The following CADPS2 variants were observed in gnomAD, a reference collection of about 807,000 sequenced individuals.
CADPS2 encodes calcium dependent secretion activator 2.
Under a neutral mutation model 172.5 loss-of-function variants are expected in CADPS2, and 93 were observed. That is an observed-to-expected ratio of 0.54 (90% CI 0.46 to 0.64). CADPS2 has a LOEUF of 0.64. Ranked by LOEUF, CADPS2 falls within the 30% of genes least tolerant of loss-of-function variation. The probability of loss-of-function intolerance (pLI) is 0.00; values close to 1 mark genes in which losing one functional copy is unlikely to be tolerated. For synonymous variants in CADPS2, 546 were observed against 555.2 expected (o/e 0.98, Z 0.23); for missense variants, 1,420 against 1,565.9 (o/e 0.91, Z 1.57).
chr7:122,650,516 TTAGA>T (rs1361792377), intron 3 of CADPS2, among the ~76,000 whole-genome samples: 1 of 152,086 alleles, frequency 6.6e-6, no homozygotes, highest in African/African-American at 2.4e-5. Flanking sequence ...TGGAGCAGAA[TTAGA>T]TAAAGTAGAA....
intron 2 of CADPS2, among the ~76,000 whole-genome samples, chr7:122,734,654 TA>T (rs2092013966): frequency 6.6e-6 from 1 of 152,094 alleles, no homozygotes; most frequent in Admixed American, 6.6e-5. Context: ...AATATACTTC[TA>T]AAAAAATGAA....
intron 1 of CADPS2, among the ~76,000 whole-genome samples, chr7:122,865,294 A>G (rs920091456): frequency 3.3e-5 from 5 of 152,158 alleles, no homozygotes; most frequent in African/African-American, 1.2e-4. Context: ...GGTCTGCAGA[A>G]TCTCTTACCT....
intron 1 of CADPS2, among the ~76,000 whole-genome samples, chr7:122,852,502 G>A (rs527411892): frequency 6.6e-6 from 1 of 152,244 alleles, no homozygotes; most frequent in East Asian, 1.9e-4. Context: ...GGTGGGGCAG[G>A]GTGTGGTAGC....
intron 22 of CADPS2, among the ~76,000 whole-genome samples, chr7:122,392,607 T>C (rs1265333932): frequency 6.6e-6 from 1 of 152,128 alleles, no homozygotes; most frequent in East Asian, 1.9e-4. Flanking sequence ...AGTTAATAAA[T>C]ATGGTTTTTG....
chr7:122,558,720 A>G (rs1449993879), intron 7 of CADPS2, among the ~76,000 whole-genome samples: 1 of 152,182 alleles, frequency 6.6e-6, no homozygotes, highest in Non-Finnish European at 1.5e-5. Context: ...GTTTAGAGTG[A>G]TATGGGGTTC....
chr7:122,638,459 C>T (rs1388396276), intron 3 of CADPS2, among the ~76,000 whole-genome samples: 2 of 152,162 alleles, frequency 1.3e-5, no homozygotes, highest in Non-Finnish European at 2.9e-5. Context: ...CTCTCCTAAA[C>T]CACAGGGGTT....
intron 1 of CADPS2, among the ~76,000 whole-genome samples, chr7:122,883,285 C>T (rs1047685180): frequency 1.3e-5 from 2 of 152,196 alleles, no homozygotes; most frequent in East Asian, 3.9e-4. Flanking sequence ...TGACTCCTGG[C>T]CTCCTGGGTA....
At chr7:122,734,851 C>T (rs978045739) in intron 2 of CADPS2, among the ~76,000 whole-genome samples, 6 of 152,014 alleles carry the variant, frequency 3.9e-5, no homozygotes, top group South Asian at 2.1e-4. Flanking sequence ...CATTTTGAGA[C>T]GTGCACAAAG....
chr7:122,657,824 T>C (rs1455470960), intron 3 of CADPS2, among the ~76,000 whole-genome samples: 1 of 152,180 alleles, frequency 6.6e-6, no homozygotes, highest in South Asian at 2.1e-4. Flanking sequence ...CTGATTGCCC[T>C]GGCCAGAACT....
chr7:122,846,852 C>A (rs987252415), intron 1 of CADPS2, among the ~76,000 whole-genome samples: 1 of 152,200 alleles, frequency 6.6e-6, no homozygotes, highest in African/African-American at 2.4e-5. Flanking sequence ...CATGACCCTG[C>A]AGCAAATCTC....
At chr7:122,374,315 C>CT (rs1420079885) in intron 25 of CADPS2, among the ~76,000 whole-genome samples, 2 of 151,986 alleles carry the variant, frequency 1.3e-5, no homozygotes, top group African/African-American at 4.8e-5. Context: ...GAAAAAATAA[C>CT]TTTTTTCTCT....
At chr7:122,496,883 T>C (rs1264541975) in intron 9 of CADPS2, among the ~76,000 whole-genome samples, 1 of 152,182 alleles carries the variant, frequency 6.6e-6, no homozygotes, top group East Asian at 1.9e-4. Context: ...GATATTCTTT[T>C]CTGATGTAAA....
At chr7:122,711,758 T>C (rs113066775) in intron 2 of CADPS2, among the ~76,000 whole-genome samples, 7,569 of 152,186 alleles carry the variant, frequency 0.05, 637 homozygotes, top group African/African-American at 0.17. Context: ...GTTCAAGCGA[T>C]TCTCCTGCCT....
intron 1 of CADPS2, 120 bp downstream of exon 1, chr7:122,885,879 G>A: frequency 8.1e-7 from 1 of 1,230,056 alleles, no homozygotes; most frequent in Non-Finnish European, 1.2e-6. Flanking sequence ...TCTGCCCTCA[G>A]AGACTAACAA....
chr7:122,520,092 G>A (rs1275174871), intron 8 of CADPS2, among the ~76,000 whole-genome samples: 3 of 151,894 alleles, frequency 2.0e-5, no homozygotes, highest in Non-Finnish European at 2.9e-5. Flanking sequence ...GCTTTCATTT[G>A]CAAACAAAAA....
chr7:122,860,004 A>C (rs982320441), intron 1 of CADPS2, among the ~76,000 whole-genome samples: 2 of 152,160 alleles, frequency 1.3e-5, no homozygotes, highest in Non-Finnish European at 2.9e-5. Flanking sequence ...AATGACAAAC[A>C]GTCTTAAAAG....
In CADPS2 at chr7:122,517,269, T is replaced by C. The variant is rs1367142027; in HGVS notation, c.1476-3954A>G. On this transcript the variant is annotated intron_variant, in intron 8 of 29. Transcript: ENST00000449022. ...CATTGCTAAGCAATATATTCCATTG[T>C]AGGGATTTGCAAGAATGTGTTTATT... Among the ~76,000 whole-genome samples the C allele has an allele frequency of 2.0e-5, 3 of 152,150 alleles. No homozygotes were observed. In the East Asian group the frequency reaches 5.8e-4, roughly 29 times the overall value.
chr7:122,815,659 C>T (rs1051412561), intron 1 of CADPS2, among the ~76,000 whole-genome samples: 2 of 152,014 alleles, frequency 1.3e-5, no homozygotes, highest in African/African-American at 4.8e-5. Flanking sequence ...CGTTAGACAT[C>T]GACAAAGCTG....
chr7:122,628,196 A>G (rs1187768289), intron 4 of CADPS2, among the ~76,000 whole-genome samples: 2 of 152,058 alleles, frequency 1.3e-5, no homozygotes, highest in African/African-American at 2.4e-5. Flanking sequence ...CTTTCCCTCT[A>G]CTTTTTAATA....
Sources: gnomAD v4.1 joint callset for allele counts (sites outside exome capture counted in the v4.1 genomes callset) on GRCh38, gnomAD v4.1.1 for gene constraint, MANE v1.5 for transcripts, NCBI Gene and HGNC (gene_info 2026-07-23, HGNC 2026-07-21) for gene names.